SLC24A1: variants seen among roughly 807,000 people sequenced by gnomAD.
SLC24A1 encodes the protein solute carrier family 24 member 1, also known as sodium/potassium/calcium exchanger 1.
SLC24A1 carries 52 observed loss-of-function variants against 88.1 expected under a neutral mutation model. The ratio of observed to expected loss-of-function variants is 0.59; its 90% CI spans 0.47 to 0.74. The LOEUF is 0.74. Ranked by LOEUF, SLC24A1 falls within the 30% of genes least tolerant of loss-of-function variation. The pLI is 0.00. For missense variants in SLC24A1, 1,173 were observed against 1,363.3 expected, an observed-to-expected ratio of 0.86 and a Z score of 2.20; for synonymous variants, 455 against 498.0, an observed-to-expected ratio of 0.91 and a Z score of 1.15.
intron 2 of SLC24A1, among the ~76,000 whole-genome samples, chr15:65,636,635 G>T (rs1422005417): frequency 6.6e-6 from 1 of 151,892 alleles, no homozygotes; most frequent in African/African-American, 2.4e-5. Context: ...CAGCAGTTTG[G>T]GAGGCTGAGG....
rs1395644817 is a variant in SLC24A1 at position 65,655,133 on chromosome 15, T to C, written c.*1054T>C. On this transcript the variant is annotated 3_prime_UTR_variant, in exon 10 of 10. Coordinates refer to ENST00000261892, the MANE Select transcript of SLC24A1 (RefSeq NM_004727.3). Reference sequence around the variant, plus strand: ...GTGGTCACCTTGAGGGATTAGACATTCTAATGGAATGTCCTGGCTCCACCC... The same window carrying C: ...GTGGTCACCTTGAGGGATTAGACATCCTAATGGAATGTCCTGGCTCCACCC... 5.0e-6 allele frequency: 5 copies of C among 995,756 alleles called. No individual in the cohort carries two copies. In the African/African-American group the frequency reaches 8.7e-5, roughly 17 times the overall value. The allele number at this position is 995,756 out of a possible 1,614,324, so 61.7% of individuals were successfully genotyped here. A position where few individuals can be genotyped will look rare whatever the true frequency, so the allele number is the denominator to read the frequency against.
intron 2 of SLC24A1, among the ~76,000 whole-genome samples, chr15:65,633,737 A>G (rs1347449200): frequency 6.6e-6 from 1 of 152,212 alleles, no homozygotes. Context: ...AATTACATAT[A>G]TGGCTTGCAT....
chr15:65,660,141 A>C, downstream of SLC24A1: 1 of 606,270 alleles, frequency 1.6e-6, no homozygotes. Context: ...GGATCTGAAT[A>C]GTAAAGAATA....
chr15:65,659,978 C>A, downstream of SLC24A1: 1 of 252,212 alleles, frequency 4.0e-6, no homozygotes, highest in Non-Finnish European at 7.5e-6. Context: ...AGAATAAAAA[C>A]CACCAACCAC....
chr15:65,656,093 G>T lies in SLC24A1; in HGVS notation c.*2014G>T, dbSNP rs2075674167. 1.0e-6 allele frequency: 1 copy of T among 985,422 alleles called. No homozygotes were observed. Among genetic ancestry groups the T allele is most frequent in the East Asian group, 1.1e-4 (1 of 8,816 alleles). 61.0% of individuals were successfully genotyped at this position (985,422 alleles called of 1,614,324 possible). Reference sequence around the variant, plus strand: ...TACCAAAATTCTGGGCACTAACCTGGTGTCTGCAGCCCGTTCCCGTTAGCC... The same window carrying T: ...TACCAAAATTCTGGGCACTAACCTGTTGTCTGCAGCCCGTTCCCGTTAGCC... On this transcript the variant is annotated 3_prime_UTR_variant, in exon 10 of 10. Transcript: ENST00000261892.
chr15:65,630,839 C>T (rs2074697442), intron 2 of SLC24A1, among the ~76,000 whole-genome samples: 1 of 152,044 alleles, frequency 6.6e-6, no homozygotes, highest in East Asian at 1.9e-4. Context: ...GGCGTGGTGG[C>T]ACGCATCTGT....
chr15:65,657,757 A>G (rs185232911), downstream of SLC24A1, among the ~76,000 whole-genome samples: 1 of 152,326 alleles, frequency 6.6e-6, no homozygotes, highest in Admixed American at 6.5e-5. Context: ...GCAGCTTGCA[A>G]TGTGTACGGG....
chr15:65,613,480 T>TGTGTGTGTGTGTG (rs2074036704), intron 2 of SLC24A1, among the ~76,000 whole-genome samples: 1 of 149,018 alleles, frequency 6.7e-6, no homozygotes, highest in African/African-American at 2.5e-5. Flanking sequence ...CAGGGTGATT[T>TGTGTGTGTGTGTG]TGTGTGTGTG....
chr15:65,651,954 A>G (rs959551843), intron 8 of SLC24A1, 195 bp downstream of exon 8: 8 of 600,228 alleles, frequency 1.3e-5, no homozygotes, highest in Non-Finnish European at 2.5e-5. Context: ...TTTCTGTCAT[A>G]TCCTGTAGCA....
intron 4 of SLC24A1, among the ~76,000 whole-genome samples, chr15:65,642,066 T>A (rs559635117): frequency 6.6e-6 from 1 of 152,308 alleles, no homozygotes; most frequent in South Asian, 2.1e-4. Flanking sequence ...TGACTGCAGA[T>A]GTCCTCTGGG....
At chr15:65,617,946 A>G (rs997576881), upstream of SLC24A1, among the ~76,000 whole-genome samples, 2 of 152,146 alleles carry the variant, frequency 1.3e-5, no homozygotes, top group Non-Finnish European at 2.9e-5. Flanking sequence ...GTCTCAAGCA[A>G]TCCTCCCTTC....
At chr15:65,632,374 T>C (rs1430625020) in intron 2 of SLC24A1, among the ~76,000 whole-genome samples, 1 of 152,118 alleles carries the variant, frequency 6.6e-6, no homozygotes, top group Non-Finnish European at 1.5e-5. Context: ...TCTTTTTGGC[T>C]TGAGCAGCAG....
At chr15:65,642,831 C>T (rs1056087967) in intron 4 of SLC24A1, 11 of 375,360 alleles carry the variant, frequency 2.9e-5, no homozygotes, top group Non-Finnish European at 5.2e-5. Flanking sequence ...TTATCTGTTT[C>T]CTGCTTGTCC....
chr15:65,631,943 T>C (rs777925490), intron 2 of SLC24A1, among the ~76,000 whole-genome samples: 4 of 152,316 alleles, frequency 2.6e-5, no homozygotes, highest in Middle Eastern at 3.4e-3. Context: ...GTGATTCTCC[T>C]GCCTCAGCCT....
rs765045575 is a variant in SLC24A1, at chr15:65,638,149, G to A, written c.1912G>A (p.Val638Met). The part of the protein sequence containing the change: ...LSKPGDGAIA[V>M]DELQDNKKLK... Reference sequence around the variant, plus strand: ...GCAGCCGGGCGATGGGGCCATTGCGGTGGATGAGCTACAGGATAACAAGAA... The same window carrying A: ...GCAGCCGGGCGATGGGGCCATTGCGATGGATGAGCTACAGGATAACAAGAA... The change falls in exon 3 of 10, where the codon GTG becomes ATG. Residue 638 changes from valine to methionine, a missense_variant. Physicochemically the swap from Val to Met is conservative, Grantham distance 21 (BLOSUM62 1). Coordinates refer to ENST00000261892, the MANE Select transcript of SLC24A1 (RefSeq NM_004727.3). The A allele has an allele frequency of 1.2e-6, 2 of 1,610,590 alleles. No homozygotes were observed. Among genetic ancestry groups the A allele is most frequent in the Non-Finnish European group, 1.7e-6 (2 of 1,178,362 alleles).
intron 6 of SLC24A1, among the ~76,000 whole-genome samples, chr15:65,646,476 A>C (rs1596340125): frequency 5.5e-5 from 7 of 126,668 alleles, no homozygotes; most frequent in African/African-American, 1.2e-4. Flanking sequence ...CTTACCATGC[A>C]CCCCACCCCC....
chr15:65,635,145 A>G (rs1012396252), intron 2 of SLC24A1, among the ~76,000 whole-genome samples: 1 of 152,142 alleles, frequency 6.6e-6, no homozygotes, highest in African/African-American at 2.4e-5. Flanking sequence ...GTACAGAACC[A>G]TCCACCCTAG....
intron 9 of SLC24A1, 92 bp downstream of exon 9, chr15:65,652,900 TACATAG>T: frequency 9.6e-7 from 1 of 1,046,184 alleles, no homozygotes; most frequent in Non-Finnish European, 1.4e-6. Flanking sequence ...TTATTCATTA[TACATAG>T]AATAAAAGGG....
chr15:65,628,684 C>T (rs763294517), intron 2 of SLC24A1, among the ~76,000 whole-genome samples: 6 of 152,184 alleles, frequency 3.9e-5, no homozygotes, highest in Non-Finnish European at 8.8e-5. Flanking sequence ...TCATGAATCA[C>T]GATATCTGGG....
Sources: gnomAD v4.1 joint callset for allele counts (sites outside exome capture counted in the v4.1 genomes callset) on GRCh38, gnomAD v4.1.1 for gene constraint, MANE v1.5 for transcripts, NCBI Gene and HGNC (gene_info 2026-07-23, HGNC 2026-07-21) for gene names.